NYAP2: variants seen among roughly 807,000 people sequenced by gnomAD.
The protein encoded by NYAP2 is neuronal tyrosine-phosphorylated phosphoinositide-3-kinase adapter 2.
NYAP2 carries 23 observed loss-of-function variants against 50.4 expected under a neutral mutation model. That is an observed-to-expected ratio of 0.46 (90% confidence interval 0.33 to 0.65). The LOEUF (loss-of-function observed/expected upper bound fraction) is 0.65. Ranked by LOEUF, NYAP2 falls within the 30% of genes least tolerant of loss-of-function variation. The pLI is 0.02. For missense variants in NYAP2, 885 were observed against 861.0 expected, an observed-to-expected ratio of 1.03 and a Z score of -0.35; for synonymous variants, 394 against 365.2, an observed-to-expected ratio of 1.08 and a Z score of -0.90.
the NYAP2 span, among the ~76,000 whole-genome samples, chr2:225,692,593 TAC>T: frequency 2.6e-5 from 4 of 151,940 alleles, no homozygotes; most frequent in East Asian, 3.9e-4. Context: ...TATATATATA[TAC>T]ACACACACAG....
chr2:225,584,965 A>G (rs1692363927), intron 5 of NYAP2, among the ~76,000 whole-genome samples: 2 of 152,226 alleles, frequency 1.3e-5, no homozygotes, highest in East Asian at 1.9e-4. Flanking sequence ...TTGTTACTAC[A>G]GGGGGTGTTA....
chr2:225,446,246 C>CTCTCTATATA (rs1239402824), intron 3 of NYAP2, among the ~76,000 whole-genome samples: 3 of 82,270 alleles, frequency 3.6e-5, no homozygotes, highest in Non-Finnish European at 6.4e-5. Flanking sequence ...CTCTCTCTCT[C>CTCTCTATATA]TATATATATA....
At chr2:225,537,078 T>C (rs1172265563) in intron 4 of NYAP2, among the ~76,000 whole-genome samples, 2 of 152,004 alleles carry the variant, frequency 1.3e-5, no homozygotes, top group Non-Finnish European at 2.9e-5. Context: ...GAGCCCGGCC[T>C]TATTCATTCT....
At chr2:225,669,965 C>T in the NYAP2 span, among the ~76,000 whole-genome samples, 1 of 152,108 alleles carries the variant, frequency 6.6e-6, no homozygotes, top group Admixed American at 6.5e-5. Flanking sequence ...CAGGTTGCAG[C>T]GATTCACCTT....
chr2:225,580,027 G>C (rs1247898488), intron 4 of NYAP2, among the ~76,000 whole-genome samples: 1 of 152,078 alleles, frequency 6.6e-6, no homozygotes, highest in Non-Finnish European at 1.5e-5. Flanking sequence ...TGCCCTCAAA[G>C]AATTCCCTCA....
In NYAP2 at chr2:225,489,192, T is replaced by A. The variant is rs926808437; in HGVS notation, c.222-24179T>A. Among the ~76,000 whole-genome samples the A allele has an allele frequency of 7.2e-5, 11 of 152,112 alleles. No individual in the cohort carries two copies. In the East Asian group the frequency reaches 1.4e-3, roughly 19 times the overall value. ...TTTCCCCTTTTTCTTTCTTTCTTTC[T>A]TTTATTTATTTATTTTTTTTAAGAG... On this transcript the variant is annotated intron_variant, in intron 3 of 6. Transcript: ENST00000636099.
At chr2:225,494,232 C>A (rs1490727364) in intron 3 of NYAP2, among the ~76,000 whole-genome samples, 1 of 152,220 alleles carries the variant, frequency 6.6e-6, no homozygotes, top group Admixed American at 6.5e-5. Flanking sequence ...CTTCACTGAG[C>A]AAGACAAATT....
intron 5 of NYAP2, among the ~76,000 whole-genome samples, chr2:225,589,281 A>G (rs1692446824): frequency 6.6e-6 from 1 of 151,328 alleles, no homozygotes; most frequent in African/African-American, 2.4e-5. Context: ...AGGAACATCA[A>G]CTTCCCAAAA....
chr2:225,483,185 CTTGAG>C (rs1393373230), intron 3 of NYAP2, among the ~76,000 whole-genome samples: 1 of 151,956 alleles, frequency 6.6e-6, no homozygotes, highest in African/African-American at 2.4e-5. Flanking sequence ...GAAGGTAGAT[CTTGAG>C]TTAAGTGTTC....
At chr2:225,633,730 A>C (rs1380971237) in intron 6 of NYAP2, among the ~76,000 whole-genome samples, 2 of 152,248 alleles carry the variant, frequency 1.3e-5, no homozygotes, top group Non-Finnish European at 2.9e-5. Context: ...AAAGCTACTC[A>C]GTGCCAGCTG....
At chr2:225,629,878 T>A (rs1047333293) in intron 6 of NYAP2, among the ~76,000 whole-genome samples, 2 of 152,088 alleles carry the variant, frequency 1.3e-5, no homozygotes, top group African/African-American at 2.4e-5. Flanking sequence ...CACTGCTGCA[T>A]TGGGGATGAG....
At position 225,622,518 on chromosome 2, in the gene NYAP2, C is replaced by CTTCTTTCTTTCTTTCTTTCT. The variant is rs1553557351; in HGVS notation, c.1619-4376_1619-4357dup. On this transcript the variant is annotated intron_variant, in intron 5 of 6. Transcript: ENST00000636099. ...TTTTATTTCTTTTCTTTCTTTCTTT[C>CTTCTTTCTTTCTTTCTTTCT]TTCTTTCTTTCTTTCTTTCTTTCTT... Among the ~76,000 whole-genome samples the CTTCTTTCTTTCTTTCTTTCT allele has an allele frequency of 3.5e-3, 247 of 70,386 alleles. 5 individuals are homozygous for CTTCTTTCTTTCTTTCTTTCT. The highest frequency in any genetic ancestry group is 9.5e-3 in the African/African-American group (228 of 24,026). The allele number at this position is 70,386 out of a possible 152,430, so 46.2% of individuals were successfully genotyped here. A position where few individuals can be genotyped will look rare whatever the true frequency, so the allele number is the denominator to read the frequency against.
At position 225,614,848 on chromosome 2, in the gene NYAP2, A is replaced by G. The variant is rs190599706; in HGVS notation, c.1619-12069A>G. Among the ~76,000 whole-genome samples the G allele has an allele frequency of 2.0e-5, 3 of 152,268 alleles. No homozygotes were observed. The East Asian group carries it at 5.8e-4, about 29-fold the overall frequency. On this transcript the variant is annotated intron_variant, in intron 5 of 6. Coordinates refer to ENST00000636099, the Ensembl canonical transcript of NYAP2. ...AACTGCTATTGCAAACAATTCCAAA[A>G]CCTCAGCAGTGTACTGGAATATGAT... is the stretch of plus-strand genomic sequence containing the variant.
At chr2:225,686,296 A>G in the NYAP2 span, among the ~76,000 whole-genome samples, 1 of 152,152 alleles carries the variant, frequency 6.6e-6, no homozygotes, top group Non-Finnish European at 1.5e-5. Context: ...TAGATTTTGA[A>G]ATTTCATTCT....
intron 5 of NYAP2, among the ~76,000 whole-genome samples, chr2:225,594,537 A>C (rs982634256): frequency 6.6e-6 from 1 of 152,154 alleles, no homozygotes; most frequent in African/African-American, 2.4e-5. Context: ...AAAATAATAA[A>C]ATAAAATAAA....
chr2:225,605,360 T>A (rs1692767769), intron 5 of NYAP2, among the ~76,000 whole-genome samples: 1 of 152,148 alleles, frequency 6.6e-6, no homozygotes, highest in African/African-American at 2.4e-5. Flanking sequence ...AAATTTATAG[T>A]CATAGAAGAC....
intron 3 of NYAP2, among the ~76,000 whole-genome samples, chr2:225,496,311 A>T (rs1310755959): frequency 6.7e-6 from 1 of 150,084 alleles, no homozygotes; most frequent in Admixed American, 6.6e-5. Context: ...GACAGGAAGA[A>T]AAAAAAAATA....
intron 4 of NYAP2, among the ~76,000 whole-genome samples, chr2:225,514,423 A>C (rs1690890506): frequency 6.6e-6 from 1 of 152,204 alleles, no homozygotes; most frequent in Non-Finnish European, 1.5e-5. Flanking sequence ...AAAACACCAT[A>C]GCCTGGGTGG....
At chr2:225,427,278 G>A (rs1008653939) in intron 3 of NYAP2, among the ~76,000 whole-genome samples, 1 of 152,152 alleles carries the variant, frequency 6.6e-6, no homozygotes, top group Non-Finnish European at 1.5e-5. Context: ...GTCCACAAAA[G>A]GGACAATTTT....
Sources: gnomAD v4.1 joint callset for allele counts (sites outside exome capture counted in the v4.1 genomes callset) on GRCh38, gnomAD v4.1.1 for gene constraint, MANE v1.5 for transcripts, NCBI Gene and HGNC (gene_info 2026-07-23, HGNC 2026-07-21) for gene names.